Variants in SYNE1 observed in about 807,000 individuals in gnomAD.
The protein encoded by SYNE1 is spectrin repeat containing nuclear envelope protein 1, also known as nesprin-1.
In SYNE1, 616 loss-of-function variants were observed where a neutral mutation model predicts 1,111.0. The observed-to-expected ratio is 0.55, with a 90% confidence interval of 0.52 to 0.59. The LOEUF is 0.59. Ranked by LOEUF, SYNE1 falls within the 20% of genes least tolerant of loss-of-function variation. SYNE1 has a pLI of 0.00. For synonymous variants in SYNE1, 3,855 were observed against 3,825.8 expected, an observed-to-expected ratio of 1.01 and a Z score of -0.28; for missense variants, 10,006 against 10,417.0, an observed-to-expected ratio of 0.96 and a Z score of 1.72.
chr6:152,476,877 A>AAAG (rs2098838101), intron 14 of SYNE1, among the ~76,000 whole-genome samples: 1 of 151,450 alleles, frequency 6.6e-6, no homozygotes, highest in African/African-American at 2.4e-5. Flanking sequence ...TAAAAAAAAA[A>AAAG]AAAAGAAAAG....
chr6:152,169,862 T>A (rs990646958), intron 130 of SYNE1, among the ~76,000 whole-genome samples: 3 of 151,806 alleles, frequency 2.0e-5, no homozygotes, highest in Non-Finnish European at 4.4e-5. Flanking sequence ...CTAGAAAACA[T>A]AGTACTTAAA....
intron 3 of SYNE1, chr6:152,546,826 G>A (rs2099315832): frequency 6.6e-6 from 1 of 152,122 alleles, no homozygotes; most frequent in Non-Finnish European, 1.5e-5. Flanking sequence ...AAGAGGTCTT[G>A]TATTTGCTGC....
At chr6:152,386,083 A>G (rs2097522933) in intron 54 of SYNE1, among the ~76,000 whole-genome samples, 1 of 152,236 alleles carries the variant, frequency 6.6e-6, no homozygotes, top group South Asian at 2.1e-4. Context: ...AATCATGCTT[A>G]ATTCATGTTG....
intron 72 of SYNE1, 80 bp from the exon 73 acceptor site, chr6:152,347,315 T>C: frequency 6.7e-7 from 1 of 1,498,914 alleles, no homozygotes; most frequent in Non-Finnish European, 9.2e-7. Flanking sequence ...GATAGATTAT[T>C]TCACTGTTTA....
chr6:152,285,141 C>T (rs2094257805), intron 95 of SYNE1, among the ~76,000 whole-genome samples: 1 of 152,154 alleles, frequency 6.6e-6, no homozygotes, highest in South Asian at 2.1e-4. Context: ...TGCTTCCCCG[C>T]CTGTCTTCCA....
intron 128 of SYNE1, among the ~76,000 whole-genome samples, chr6:152,184,973 A>G (rs997861282): frequency 1.3e-5 from 2 of 152,230 alleles, no homozygotes; most frequent in African/African-American, 4.8e-5. Context: ...GCACAAATAC[A>G]TTGCATTGCC....
chr6:152,148,318 G>A lies in SYNE1; in HGVS notation c.24703C>T (p.Leu8235=), dbSNP rs1159764212. Reference sequence around the variant, plus strand: ...CGGTCGTGCCAGTGCAGGTCCGACAGAGCTGCAGAGTCTTCCAGCTCCAGC... The same window carrying A: ...CGGTCGTGCCAGTGCAGGTCCGACAAAGCTGCAGAGTCTTCCAGCTCCAGC... ...RELELEDSAA[L]SDLHWHDRSA... is the part of the protein sequence containing the mutation. Residue 8235 remains leucine (L), a synonymous_variant, in exon 137 of 146, where the codon CTG becomes TTG. Transcript: ENST00000367255. This position sits in a 1 kb window ranked among gnomAD's most constrained non-coding sequence, Gnocchi z 4.1. 1 of 1,614,198 alleles carries A rather than the reference G, an allele frequency of 6.2e-7. No individual in the cohort carries two copies. Among genetic ancestry groups the A allele is most frequent in the African/African-American group, 1.3e-5 (1 of 75,072 alleles).
intron 16 of SYNE1, among the ~76,000 whole-genome samples, chr6:152,468,357 G>A (rs2098783849): frequency 6.6e-6 from 1 of 150,924 alleles, no homozygotes; most frequent in Non-Finnish European, 1.5e-5. Context: ...TTCAAGAGCT[G>A]TTTTTTTTTC....
At chr6:152,259,972 C>A (rs1562577580) in intron 101 of SYNE1, among the ~76,000 whole-genome samples, 2 of 152,158 alleles carry the variant, frequency 1.3e-5, no homozygotes. Context: ...ATGTCAGTGG[C>A]AGCAGGGCAA....
intron 91 of SYNE1, among the ~76,000 whole-genome samples, chr6:152,306,289 C>G (rs571207877): frequency 2.0e-5 from 3 of 152,056 alleles, no homozygotes; most frequent in Non-Finnish European, 4.4e-5. Flanking sequence ...AGTTCAATAC[C>G]AGCCTGGCCA....
At position 152,234,732 on chromosome 6, in the gene SYNE1, G is replaced by C; in HGVS notation, c.20465C>G (p.Thr6822Ser). Residue 6822 changes from threonine to serine, a missense_variant, in exon 111 of 146, where the codon ACT becomes AGT. By Grantham distance (58) the Thr-to-Ser change is moderately conservative. This residue lies in a region of SYNE1 where 2,182 missense variants were observed against 2,287.8 expected (regional missense o/e 0.95). Coordinates refer to ENST00000367255, the MANE Select transcript of SYNE1 (RefSeq NM_182961.4). ...TTGTGGGACTGTCACAGATTGCTGA[G>C]TCCAAAATTCTAGCCGGTCTTTTGC... ...QSAKDRLEFWTQQSVTVPQEL... is the reference protein window; with the variant it reads ...QSAKDRLEFWSQQSVTVPQEL... 1.6e-5 allele frequency: 26 copies of C among 1,614,204 alleles called. No individual in the cohort carries two copies. Among genetic ancestry groups the C allele is most frequent in the Non-Finnish European group, 2.1e-5 (25 of 1,180,030 alleles).
chr6:152,230,742 T>C, intron 114 of SYNE1, 40 bp from the exon 115 acceptor site: 2 of 1,602,698 alleles, frequency 1.2e-6, no homozygotes, highest in Non-Finnish European at 8.5e-7. Flanking sequence ...AACTTTATTT[T>C]AATAAAATCA....
intron 101 of SYNE1, among the ~76,000 whole-genome samples, chr6:152,259,560 G>GAT (rs2091608185): frequency 6.6e-6 from 1 of 152,202 alleles, no homozygotes; most frequent in Admixed American, 6.5e-5. Context: ...AGGTAACAGA[G>GAT]ATATCGGCTT....
At chr6:152,168,497 A>C (rs2064242273) in intron 130 of SYNE1, 1 of 344,372 alleles carries the variant, frequency 2.9e-6, no homozygotes, top group African/African-American at 2.1e-5. Context: ...ACAGGTCTAA[A>C]GAAAGGACAG....
chr6:152,465,150 T>C (rs190594297), intron 18 of SYNE1, 108 bp downstream of exon 18: 54 of 1,271,740 alleles, frequency 4.2e-5, no homozygotes, highest in Non-Finnish European at 5.8e-5. Context: ...GTCAAGATTC[T>C]TGAGTGACAC....
At chr6:152,340,491 C>A (rs1477798779) in intron 74 of SYNE1, among the ~76,000 whole-genome samples, 1 of 152,194 alleles carries the variant, frequency 6.6e-6, no homozygotes, top group African/African-American at 2.4e-5. Flanking sequence ...CGTCTACCCA[C>A]TTAATGCCAG....
chr6:152,248,415 T>A (rs995476023), intron 105 of SYNE1, among the ~76,000 whole-genome samples: 1 of 152,074 alleles, frequency 6.6e-6, no homozygotes, highest in Non-Finnish European at 1.5e-5. Context: ...TTGCTTATAA[T>A]TTATAAATAA....
intron 130 of SYNE1, among the ~76,000 whole-genome samples, chr6:152,172,440 G>A (rs759452170): frequency 3.9e-5 from 6 of 152,126 alleles, no homozygotes; most frequent in Admixed American, 6.6e-5. Context: ...AGGTTTAGCC[G>A]AGAGAAAAAG....
At chr6:152,231,696 T>C (rs957214773) in intron 113 of SYNE1, 129 bp from the exon 114 acceptor site, 4 of 982,234 alleles carry the variant, frequency 4.1e-6, no homozygotes, top group Non-Finnish European at 6.1e-6. Context: ...TGGCACAATT[T>C]GTCTGTGTTC....
Sources: allele counts gnomAD v4.1 joint callset (sites outside exome capture counted in the v4.1 genomes callset), GRCh38; gene constraint gnomAD v4.1.1; regional missense constraint gnomAD v4.1.1; non-coding constraint Gnocchi (gnomAD v3.1); transcripts MANE v1.5; gene names NCBI Gene and HGNC (gene_info 2026-07-23, HGNC 2026-07-21).